The following NBAS variants were observed in gnomAD, a reference collection of about 807,000 sequenced individuals.
NBAS encodes the protein NAG/BC035112 fusion.
NBAS carries 219 observed loss-of-function variants against 302.5 expected under a neutral mutation model. That is an observed-to-expected ratio of 0.72 (90% CI 0.65 to 0.81). The LOEUF is 0.81. NBAS is among the 30% of genes least tolerant of loss of function. The pLI is 0.00. For missense variants in NBAS, 2,932 were observed against 2,841.6 expected (o/e 1.03, Z -0.72); for synonymous variants, 1,118 against 1,021.6 (o/e 1.09, Z -1.80).
At chr2:15,558,338 T>C (rs928762045) in intron 2 of NBAS, among the ~76,000 whole-genome samples, 2 of 152,172 alleles carry the variant, frequency 1.3e-5, no homozygotes, top group African/African-American at 2.4e-5. Flanking sequence ...TGTTCTAGAA[T>C]ACATCCATAA....
the NBAS span, among the ~76,000 whole-genome samples, chr2:14,837,293 G>A: frequency 4.0e-5 from 6 of 151,810 alleles, no homozygotes; most frequent in Non-Finnish European, 5.9e-5. Context: ...TATGAATACC[G>A]TGAACTCTGT....
Position 15,516,592 on chromosome 2 carries a change from G to A in NBAS, c.747-5242C>T, listed in dbSNP as rs142452234. On this transcript the variant is annotated intron_variant, in intron 9 of 51. Coordinates refer to ENST00000281513, the MANE Select transcript of NBAS (RefSeq NM_015909.4). ...CAAAAAATTATCCAGGTGTGGTGGC[G>A]TGCACCTGTAGACCCAGCTACTCAG... Among the ~76,000 whole-genome samples the A allele has an allele frequency of 6.1e-3, 921 of 152,096 alleles. 10 individuals are homozygous for A. Among genetic ancestry groups the A allele is most frequent in the African/African-American group, 0.02 (837 of 41,486 alleles).
the NBAS span, among the ~76,000 whole-genome samples, chr2:14,963,231 G>A: frequency 6.6e-6 from 1 of 152,068 alleles, no homozygotes. Flanking sequence ...TCGCGACCCA[G>A]CACTCCAGCC....
chr2:15,008,839 T>C, the NBAS span, among the ~76,000 whole-genome samples: 1 of 152,224 alleles, frequency 6.6e-6, no homozygotes, highest in Non-Finnish European at 1.5e-5. Context: ...AAAACACTTA[T>C]ATGGGTCTAG....
chr2:15,041,279 G>A, the NBAS span, among the ~76,000 whole-genome samples: 2 of 152,242 alleles, frequency 1.3e-5, no homozygotes, highest in Non-Finnish European at 2.9e-5. Flanking sequence ...AAGTGAGCCA[G>A]TATCCATGAG....
chr2:15,058,124 C>A, the NBAS span, among the ~76,000 whole-genome samples: 2 of 152,156 alleles, frequency 1.3e-5, no homozygotes, highest in African/African-American at 4.8e-5. Context: ...AGTTATTATT[C>A]GAAAAAGATG....
intron 27 of NBAS, 114 bp from the exon 28 acceptor site, chr2:15,394,463 A>G: frequency 9.3e-7 from 1 of 1,073,424 alleles, no homozygotes; most frequent in South Asian, 1.4e-5. Flanking sequence ...ATTATCCCAT[A>G]GTGTAATCCA....
chr2:15,199,698 A>G (rs1665787079), intron 48 of NBAS, among the ~76,000 whole-genome samples: 1 of 152,172 alleles, frequency 6.6e-6, no homozygotes, highest in African/African-American at 2.4e-5. Context: ...GGAGACATTT[A>G]CTGACCTTTT....
At chr2:15,447,897 G>T (rs1272262628) in intron 21 of NBAS, among the ~76,000 whole-genome samples, 1 of 152,142 alleles carries the variant, frequency 6.6e-6, no homozygotes, top group Admixed American at 6.5e-5. Context: ...CAAAATCAAG[G>T]GTTTGGTTTC....
the NBAS span, among the ~76,000 whole-genome samples, chr2:14,884,349 G>A: frequency 6.6e-6 from 1 of 152,176 alleles, no homozygotes; most frequent in Admixed American, 6.5e-5. Context: ...GAGTTGGAGA[G>A]TCTCAGTCTG....
chr2:15,548,892 A>G (rs563593813), intron 6 of NBAS, among the ~76,000 whole-genome samples: 17 of 152,298 alleles, frequency 1.1e-4, no homozygotes, highest in East Asian at 9.6e-4. Flanking sequence ...AAAATTGCAC[A>G]CTGTTTTGTA....
chr2:15,281,337 T>A (rs975037251), intron 42 of NBAS, among the ~76,000 whole-genome samples: 4 of 152,226 alleles, frequency 2.6e-5, no homozygotes, highest in African/African-American at 9.6e-5. Flanking sequence ...ATAGAAATAG[T>A]AATAGACACC....
At chr2:14,858,375 C>A in the NBAS span, among the ~76,000 whole-genome samples, 1 of 152,178 alleles carries the variant, frequency 6.6e-6, no homozygotes, top group Admixed American at 6.5e-5. Context: ...TTCATTGCAG[C>A]ATATTCACAA....
chr2:15,022,869 A>T, the NBAS span, among the ~76,000 whole-genome samples: 6 of 152,142 alleles, frequency 3.9e-5, no homozygotes, highest in East Asian at 1.2e-3. Context: ...CATTTTTATT[A>T]TTTGTATATA....
chr2:15,172,023 G>A (rs1033881530), intron 51 of NBAS, among the ~76,000 whole-genome samples: 11 of 152,152 alleles, frequency 7.2e-5, no homozygotes, highest in African/African-American at 2.2e-4. Context: ...AATACATCAG[G>A]CAAAGTATCT....
intron 16 of NBAS, among the ~76,000 whole-genome samples, chr2:15,471,658 A>T (rs1443636013): frequency 6.6e-6 from 1 of 152,222 alleles, no homozygotes. Flanking sequence ...ATATGTTGAA[A>T]AACTAATCCC....
At chr2:15,276,707 G>A in intron 43 of NBAS, 144 bp downstream of exon 43, 1 of 1,223,274 alleles carries the variant, frequency 8.2e-7, no homozygotes, top group Middle Eastern at 2.0e-4. Flanking sequence ...GAGTTGGAAA[G>A]ATAATAACTA....
At chr2:15,300,735 ATCG>A (rs1670759469) in intron 40 of NBAS, among the ~76,000 whole-genome samples, 2 of 152,344 alleles carry the variant, frequency 1.3e-5, no homozygotes, top group African/African-American at 4.8e-5. Flanking sequence ...AGAGATGTGT[ATCG>A]ACTGTCATCC....
chr2:14,899,749 T>C, the NBAS span, among the ~76,000 whole-genome samples: 2 of 152,106 alleles, frequency 1.3e-5, no homozygotes, highest in African/African-American at 4.8e-5. Flanking sequence ...CTTTTTTTTT[T>C]TTTTTCCCAG....
Sources: allele counts gnomAD v4.1 joint callset (sites outside exome capture counted in the v4.1 genomes callset), GRCh38; gene constraint gnomAD v4.1.1; transcripts MANE v1.5; gene names NCBI Gene and HGNC (gene_info 2026-07-23, HGNC 2026-07-21).